The following DRC9 variants were observed in gnomAD, a reference collection of about 807,000 sequenced individuals.
The protein encoded by DRC9 is dynein regulatory complex subunit 9.
the DRC9 span, among the ~76,000 whole-genome samples, chr3:197,941,896 T>A: frequency 1.3e-5 from 2 of 152,316 alleles, no homozygotes; most frequent in South Asian, 4.1e-4. Context: ...TCTTCTGTAC[T>A]ATTTGTTAGC....
At chr3:197,932,498 G>A in the DRC9 span, among the ~76,000 whole-genome samples, 4 of 151,902 alleles carry the variant, frequency 2.6e-5, no homozygotes, top group East Asian at 1.9e-4. Context: ...AGCCAGGCGC[G>A]GTGGCAGGTG....
the DRC9 span, among the ~76,000 whole-genome samples, chr3:197,914,478 G>C: frequency 6.6e-6 from 1 of 152,184 alleles, no homozygotes; most frequent in Non-Finnish European, 1.5e-5. Flanking sequence ...GTATCTCAGA[G>C]AGTGATTATT....
chr3:197,933,819 A>ATT, the DRC9 span, among the ~76,000 whole-genome samples: 1 of 148,642 alleles, frequency 6.7e-6, no homozygotes. Context: ...TTTTTATTTC[A>ATT]TTTTTTTTTG....
the DRC9 span, among the ~76,000 whole-genome samples, chr3:197,892,043 C>T: frequency 6.6e-6 from 1 of 152,154 alleles, no homozygotes; most frequent in Non-Finnish European, 1.5e-5. Context: ...CCACGTGCCA[C>T]CATGCATGGC....
chr3:197,903,202 T>TA, the DRC9 span, among the ~76,000 whole-genome samples: 472 of 152,124 alleles, frequency 3.1e-3, 5 homozygotes, highest in African/African-American at 0.011. Flanking sequence ...GTTAAAGAGT[T>TA]AAACTTAAGA....
At chr3:197,941,662 ATGATCC>A in the DRC9 span, among the ~76,000 whole-genome samples, 1 of 148,962 alleles carries the variant, frequency 6.7e-6, no homozygotes, top group African/African-American at 2.5e-5. Flanking sequence ...ATGGGCTCAA[ATGATCC>A]TCCCATATCA....
the DRC9 span, among the ~76,000 whole-genome samples, chr3:197,924,182 C>T: frequency 6.6e-6 from 1 of 151,312 alleles, no homozygotes; most frequent in African/African-American, 2.4e-5. Flanking sequence ...ATGGTGAAAC[C>T]CCGTCTGTAC....
At chr3:197,953,063 T>G in the DRC9 span, among the ~76,000 whole-genome samples, 1 of 151,902 alleles carries the variant, frequency 6.6e-6, no homozygotes, top group Non-Finnish European at 1.5e-5. Context: ...CCTCCCAAAG[T>G]GCTGGGATTA....
At chr3:197,920,901 C>A in the DRC9 span, among the ~76,000 whole-genome samples, 3 of 152,150 alleles carry the variant, frequency 2.0e-5, no homozygotes, top group Admixed American at 1.3e-4. Context: ...TCTAAGCTAC[C>A]ACCAACACTT....
At chr3:197,929,587 C>T in the DRC9 span, among the ~76,000 whole-genome samples, 2 of 151,948 alleles carry the variant, frequency 1.3e-5, no homozygotes, top group South Asian at 2.1e-4. The surrounding 1 kb of genome is among the most constrained non-coding windows in gnomAD (Gnocchi z 4.6). Context: ...GCCTGGGCAA[C>T]ATAGTGAGAC....
At chr3:197,913,009 G>A in the DRC9 span, 2 of 429,478 alleles carry the variant, frequency 4.7e-6, no homozygotes, top group Admixed American at 3.9e-5. Context: ...CAGAAACGGC[G>A]CTCCAAGGGC....
the DRC9 span, among the ~76,000 whole-genome samples, chr3:197,912,179 T>A: frequency 1.3e-5 from 2 of 151,994 alleles, no homozygotes; most frequent in Non-Finnish European, 1.5e-5. Context: ...TAGCTGGGAT[T>A]ACAGGCGCAC....
chr3:197,909,616 G>GAA, the DRC9 span, among the ~76,000 whole-genome samples: 1 of 152,310 alleles, frequency 6.6e-6, no homozygotes, highest in South Asian at 2.1e-4. Flanking sequence ...TACTGCTACA[G>GAA]AAAACATTAA....
the DRC9 span, among the ~76,000 whole-genome samples, chr3:197,924,798 G>A: frequency 6.6e-6 from 1 of 151,990 alleles, no homozygotes. Context: ...GATTATAGGC[G>A]TGAGCCACCG....
At chr3:197,931,809 T>C in the DRC9 span, among the ~76,000 whole-genome samples, 1 of 151,852 alleles carries the variant, frequency 6.6e-6, no homozygotes, top group South Asian at 2.1e-4. Flanking sequence ...TATTTTTTAG[T>C]AGAGATGGGG....
the DRC9 span, chr3:197,889,637 G>A: frequency 6.2e-7 from 1 of 1,613,992 alleles, no homozygotes; most frequent in African/African-American, 1.3e-5. Flanking sequence ...TTGAATCCTT[G>A]CTATCAACTT....
At chr3:197,916,206 C>T in the DRC9 span, 1 of 152,436 alleles carries the variant, frequency 6.6e-6, no homozygotes, top group Admixed American at 6.5e-5. Flanking sequence ...CTCTTGGCTT[C>T]AAGGGATCCT....
chr3:197,895,014 G>A, the DRC9 span, among the ~76,000 whole-genome samples: 7 of 151,770 alleles, frequency 4.6e-5, no homozygotes, highest in African/African-American at 1.7e-4. Flanking sequence ...CTATGATTAC[G>A]CCACTGCACT....
chr3:197,930,750 A>G, the DRC9 span, among the ~76,000 whole-genome samples: 9 of 150,092 alleles, frequency 6.0e-5, no homozygotes, highest in East Asian at 2.0e-4. Flanking sequence ...AAAAAAAAAA[A>G]AAAGAAAGAA....
Sources: allele counts gnomAD v4.1 joint callset (sites outside exome capture counted in the v4.1 genomes callset), GRCh38; gene constraint gnomAD v4.1.1; non-coding constraint Gnocchi (gnomAD v3.1); transcripts MANE v1.5; gene names NCBI Gene and HGNC (gene_info 2026-07-23, HGNC 2026-07-21).